RANBP2: variants seen among roughly 807,000 people sequenced by gnomAD.
RANBP2 encodes E3 SUMO-protein ligase RanBP2.
RANBP2 carries 57 observed loss-of-function variants against 303.6 expected under a neutral mutation model. The observed-to-expected ratio is 0.19, with a 90% CI of 0.15 to 0.23. The LOEUF is 0.23. RANBP2 is among the 10% of genes least tolerant of loss of function. RANBP2 has a pLI of 1.00. For synonymous variants in RANBP2, 1,167 were observed against 1,301.5 expected (o/e 0.90, Z 2.23); for missense variants, 3,138 against 3,780.8 (o/e 0.83, Z 4.46).
chr2:109,647,815 AGGCTTG>A, the RANBP2 span, among the ~76,000 whole-genome samples: 1 of 152,170 alleles, frequency 6.6e-6, no homozygotes, highest in African/African-American at 2.4e-5. Context: ...AAGCAAAACT[AGGCTTG>A]CTTGTATGCC....
the RANBP2 span, among the ~76,000 whole-genome samples, chr2:109,704,252 G>GA: frequency 9.2e-5 from 14 of 152,050 alleles, no homozygotes; most frequent in African/African-American, 3.4e-4. Context: ...CTCTAGAAAG[G>GA]AAAAAATAAA....
the RANBP2 span, among the ~76,000 whole-genome samples, chr2:108,850,202 A>G: frequency 6.6e-6 from 1 of 152,258 alleles, no homozygotes; most frequent in Admixed American, 6.5e-5. Context: ...CTAAGAGTAG[A>G]CTTAACTCTA....
the RANBP2 span, among the ~76,000 whole-genome samples, chr2:108,987,348 T>C: frequency 6.6e-6 from 1 of 152,154 alleles, no homozygotes; most frequent in Non-Finnish European, 1.5e-5. Context: ...CAAGTAGGTT[T>C]TGCGCTCCGT....
chr2:108,903,805 ATG>A, the RANBP2 span, among the ~76,000 whole-genome samples: 2 of 152,194 alleles, frequency 1.3e-5, no homozygotes, highest in Non-Finnish European at 2.9e-5. Flanking sequence ...CATAAAAACT[ATG>A]TGGACTTAGA....
At chr2:109,315,615 A>G in the RANBP2 span, among the ~76,000 whole-genome samples, 1 of 152,254 alleles carries the variant, frequency 6.6e-6, no homozygotes, top group Admixed American at 6.5e-5. Context: ...GTGATGCACA[A>G]GGACGTGTGT....
chr2:109,105,614 G>A, the RANBP2 span, among the ~76,000 whole-genome samples: 1 of 152,170 alleles, frequency 6.6e-6, no homozygotes. Flanking sequence ...GAGTACAGTG[G>A]CGCAATCTCA....
At chr2:109,214,872 T>A in the RANBP2 span, among the ~76,000 whole-genome samples, 2 of 152,144 alleles carry the variant, frequency 1.3e-5, no homozygotes, top group African/African-American at 4.8e-5. Context: ...ACAGCAGTGT[T>A]TTGGGAGATC....
At chr2:108,951,014 C>A in the RANBP2 span, among the ~76,000 whole-genome samples, 1 of 152,232 alleles carries the variant, frequency 6.6e-6, no homozygotes, top group Non-Finnish European at 1.5e-5. Context: ...TCTGGGAGCA[C>A]TGATGCTTCT....
In RANBP2 at chr2:108,753,825, A is replaced by G; in HGVS notation, c.2056A>G (p.Ile686Val). 4.3e-6 allele frequency: 7 copies of G among 1,611,976 alleles called. No homozygotes were observed. Among genetic ancestry groups the G allele is most frequent in the Non-Finnish European group, 5.9e-6 (7 of 1,179,846 alleles). Residue 686 changes from isoleucine (I) to valine (V), a missense_variant and splice_region_variant, in exon 15 of 29, where the codon ATT becomes GTT. Physicochemically the swap from Ile to Val is conservative, Grantham distance 29. This residue lies in a region of RANBP2 where 194 missense variants were observed against 197.4 expected (regional missense o/e 0.98). Transcript: ENST00000283195. ...SVVSYWNLAL[I>V]FHRKAEDIEN... is the part of the protein sequence containing the mutation. Reference sequence around the variant, plus strand: ...TTTCATAAAAGCACTATTTGTATAGATTTTTCACAGGAAGGCAGAAGACAT... The same window carrying G: ...TTTCATAAAAGCACTATTTGTATAGGTTTTTCACAGGAAGGCAGAAGACAT...
At chr2:109,595,015 C>T in the RANBP2 span, 6,578 of 151,930 alleles carry the variant, frequency 0.043, 434 homozygotes, top group African/African-American at 0.15. Flanking sequence ...GCCTCCCGAG[C>T]AGCTGGGATT....
chr2:109,205,742 A>G, the RANBP2 span, among the ~76,000 whole-genome samples: 2 of 152,208 alleles, frequency 1.3e-5, no homozygotes, highest in Admixed American at 1.3e-4. Flanking sequence ...ACTGGCAGGA[A>G]GGCAGCCCCG....
At chr2:109,136,177 T>C in the RANBP2 span, among the ~76,000 whole-genome samples, 1 of 152,158 alleles carries the variant, frequency 6.6e-6, no homozygotes, top group African/African-American at 2.4e-5. Flanking sequence ...GTTTGATCTG[T>C]ATTTAATCTC....
the RANBP2 span, among the ~76,000 whole-genome samples, chr2:108,911,977 C>T: frequency 7.2e-5 from 11 of 152,216 alleles, no homozygotes; most frequent in Non-Finnish European, 5.9e-5. Context: ...TTTTGAGCTA[C>T]TCCCCCCGGG....
the RANBP2 span, chr2:108,846,764 GA>G: frequency 6.2e-7 from 1 of 1,612,424 alleles, no homozygotes; most frequent in African/African-American, 1.3e-5. Context: ...CAACATTGAG[GA>G]GATTGGGTGA....
At chr2:108,919,090 T>G in the RANBP2 span, among the ~76,000 whole-genome samples, 1 of 152,080 alleles carries the variant, frequency 6.6e-6, no homozygotes, top group Non-Finnish European at 1.5e-5. Context: ...TGCAGTCAGG[T>G]CTGAGAGGCT....
chr2:109,323,660 C>T, the RANBP2 span, among the ~76,000 whole-genome samples: 4 of 152,330 alleles, frequency 2.6e-5, no homozygotes, highest in East Asian at 1.9e-4. Context: ...TGTGTGTCCG[C>T]CAAGCTCCCT....
chr2:109,402,765 G>T, the RANBP2 span, among the ~76,000 whole-genome samples: 1 of 152,216 alleles, frequency 6.6e-6, no homozygotes, highest in Non-Finnish European at 1.5e-5. Context: ...TCTGGGCCAT[G>T]GGGGGCAGAG....
the RANBP2 span, among the ~76,000 whole-genome samples, chr2:108,909,075 T>C: frequency 2.5e-4 from 38 of 152,342 alleles, no homozygotes; most frequent in Admixed American, 2.4e-3. Flanking sequence ...CCTTGCTGTC[T>C]TTTAACGTAC....
At chr2:109,495,405 C>T in the RANBP2 span, among the ~76,000 whole-genome samples, 21 of 149,652 alleles carry the variant, frequency 1.4e-4, no homozygotes, top group South Asian at 2.4e-3. Flanking sequence ...TATCAAGTAT[C>T]GTAGAGAGGC....
Sources: allele counts gnomAD v4.1 joint callset (sites outside exome capture counted in the v4.1 genomes callset), GRCh38; gene constraint gnomAD v4.1.1; regional missense constraint gnomAD v4.1.1; transcripts MANE v1.5; gene names NCBI Gene and HGNC (gene_info 2026-07-23, HGNC 2026-07-21).